KIF14: variants seen among roughly 807,000 people sequenced by gnomAD.
The protein encoded by KIF14 is kinesin-like protein KIF14.
In KIF14, 98 loss-of-function variants were observed where a neutral mutation model predicts 176.2. The ratio of observed to expected loss-of-function variants is 0.56; its 90% CI spans 0.47 to 0.66. The LOEUF is 0.66. Among genes scored for constraint, KIF14 ranks in the 30% least tolerant of loss-of-function variants. The pLI is 0.00. For synonymous variants in KIF14, 566 were observed against 632.2 expected (o/e 0.90, Z 1.57); for missense variants, 1,751 against 1,920.4 (o/e 0.91, Z 1.65).
chr1:200,570,075 A>G, intron 22 of KIF14, 70 bp from the exon 23 acceptor site: 1 of 708,642 alleles, frequency 1.4e-6, no homozygotes. Context: ...GAATATTTAT[A>G]AGTTCTCTAA....
At chr1:200,565,976 T>A (rs375701398) in intron 23 of KIF14, among the ~76,000 whole-genome samples, 44 of 152,240 alleles carry the variant, frequency 2.9e-4, no homozygotes, top group African/African-American at 1.0e-3. Context: ...CGTATACTAT[T>A]GCTCTTCCAA....
chr1:200,581,430 T>C, intron 19 of KIF14, 136 bp from the exon 20 acceptor site: 1 of 433,668 alleles, frequency 2.3e-6, no homozygotes, highest in Non-Finnish European at 4.2e-6. Flanking sequence ...GAAGGATAAG[T>C]GATATTTGAG....
chr1:200,599,518 C>T (rs1484391152), intron 13 of KIF14, among the ~76,000 whole-genome samples: 3 of 152,184 alleles, frequency 2.0e-5, no homozygotes, highest in African/African-American at 7.2e-5. Context: ...CCCTTCTTCT[C>T]CTGAATTCTT....
intron 4 of KIF14, among the ~76,000 whole-genome samples, chr1:200,610,440 G>T (rs1326064010): frequency 6.6e-6 from 1 of 151,004 alleles, no homozygotes; most frequent in Admixed American, 6.6e-5. Context: ...AACCCGGGAG[G>T]CAGAGCTTGC....
chr1:200,560,386 C>T (rs1657070002), intron 26 of KIF14, among the ~76,000 whole-genome samples: 1 of 152,106 alleles, frequency 6.6e-6, no homozygotes. Context: ...ATTCTCCTGC[C>T]TCAGCCTCCT....
rs746339621 is a variant in KIF14, at chr1:200,565,254, C to T, written c.3887-1G>A. 2 of 1,580,816 alleles carry T rather than the reference C, an allele frequency of 1.3e-6. No homozygotes were observed. Among genetic ancestry groups the T allele is most frequent in the African/African-American group, 1.4e-5 (1 of 72,938 alleles). ...TGGATTGCTCGATCAGAAGAAAACACTTTGAAAGAAGAAGAAAAATTACTG... is the reference window on the plus strand; with the variant it reads ...TGGATTGCTCGATCAGAAGAAAACATTTTGAAAGAAGAAGAAAAATTACTG... On this transcript the variant is annotated splice_acceptor_variant, in intron 24 of 29. Transcript: ENST00000367350. LOFTEE classifies it high-confidence loss of function.
chr1:200,592,021 T>G (rs1659078408), intron 16 of KIF14, 59 bp downstream of exon 16: 2 of 1,399,778 alleles, frequency 1.4e-6, no homozygotes, highest in Non-Finnish European at 2.0e-6. Context: ...CACAATGTGA[T>G]TAACTCTGTT....
In KIF14 at chr1:200,581,441, T is replaced by C. The variant is rs970521903; in HGVS notation, c.3242-147A>G. ...TGCAGAAGGATAAGTGATATTTGAG[T>C]AATTTGGTGAAATAAAACATTTTTC... On this transcript the variant is annotated intron_variant, in intron 19 of 29. Transcript: ENST00000367350. 92 of 418,218 alleles carry C rather than the reference T, an allele frequency of 2.2e-4. 1 individual carries two copies. In the East Asian group the frequency reaches 3.2e-3, roughly 15 times the overall value. 25.9% of individuals were successfully genotyped at this position (418,218 alleles called of 1,614,324 possible).
chr1:200,570,078 T>C (rs1488882553), intron 22 of KIF14, 73 bp from the exon 23 acceptor site: 5 of 713,290 alleles, frequency 7.0e-6, no homozygotes, highest in Non-Finnish European at 9.0e-6. Flanking sequence ...TATTTATAAG[T>C]TCTCTAAAGA....
intron 22 of KIF14, among the ~76,000 whole-genome samples, chr1:200,572,212 T>C (rs1307045199): frequency 6.6e-6 from 1 of 152,238 alleles, no homozygotes; most frequent in Non-Finnish European, 1.5e-5. Context: ...AATGAAAATA[T>C]CCAATTTCGA....
At position 200,608,892 on chromosome 1, in the gene KIF14, A is replaced by G; in HGVS notation, c.1492T>C (p.Tyr498His). ...AGAAGGTCGTGAATTTTTTCATTAT[A>G]TACTTCAAAGAAGCTCATTTCAATG... Reference protein sequence around the residue: ...YHIEMSFFEVYNEKIHDLLVC... With the variant: ...YHIEMSFFEVHNEKIHDLLVC... The change falls in exon 5 of 30, where the codon TAT (tyrosine) becomes CAT (histidine). Residue 498 changes from tyrosine (Y) to histidine (H), a missense_variant. Transcript: ENST00000367350. 1 of 1,609,514 alleles carries G rather than the reference A, an allele frequency of 6.2e-7. No individual in the cohort carries two copies.
rs539290426 is a variant in KIF14, at chr1:200,611,432, A to T, written c.1456-2504T>A. ...TGGTGTCATGAGAGAGAAACAAAAC[A>T]CTTCCAAAGAGACCAGGTATAAGGG... On this transcript the variant is annotated intron_variant, in intron 4 of 29. Transcript: ENST00000367350. Among the ~76,000 whole-genome samples the T allele has an allele frequency of 3.5e-4, 53 of 152,332 alleles. 1 individual carries two copies. Among genetic ancestry groups the T allele is most frequent in the African/African-American group, 1.3e-3 (52 of 41,570 alleles).
chr1:200,556,421 T>C (rs571895143), intron 27 of KIF14, among the ~76,000 whole-genome samples: 24 of 152,376 alleles, frequency 1.6e-4, no homozygotes, highest in Non-Finnish European at 3.4e-4. Context: ...TTTCTTTGGA[T>C]ATTTTATTCT....
Position 200,618,751 on chromosome 1 carries a change from A to G in KIF14, c.-28T>C. ...TGGCAGACAGTTATTTTAAAAAAGA[A>G]TGTTACTAAGACCCTAAGCTCTTCT... On this transcript the variant is annotated 5_prime_UTR_variant, in exon 2 of 30. Transcript: ENST00000367350. 2 of 1,544,436 alleles carry G rather than the reference A, an allele frequency of 1.3e-6. No homozygotes were observed. Among genetic ancestry groups the G allele is most frequent in the Admixed American group, 1.8e-5 (1 of 56,624 alleles).
Position 200,602,074 on chromosome 1 carries a change from A to G in KIF14, c.1980-6T>C, listed in dbSNP as rs745394181. On this transcript the variant is annotated splice_region_variant and splice_polypyrimidine_tract_variant and intron_variant, in intron 10 of 29. Coordinates refer to ENST00000367350, the MANE Select transcript of KIF14 (RefSeq NM_014875.3). Reference sequence around the variant, plus strand: ...CCAGACTTTCTTTTAACAGCCTACAAGAAAAAAAGTCATAAGACTTTGCTT... The same window carrying G: ...CCAGACTTTCTTTTAACAGCCTACAGGAAAAAAAGTCATAAGACTTTGCTT... 4 of 1,608,144 alleles carry G rather than the reference A, an allele frequency of 2.5e-6. No individual in the cohort carries two copies. Among genetic ancestry groups the G allele is most frequent in the Non-Finnish European group, 3.4e-6 (4 of 1,178,496 alleles).
At chr1:200,568,534 T>G (rs1463966052) in intron 23 of KIF14, among the ~76,000 whole-genome samples, 1 of 152,232 alleles carries the variant, frequency 6.6e-6, no homozygotes, top group African/African-American at 2.4e-5. Context: ...TTTAAAATTT[T>G]TGTTTACTAA....
intron 14 of KIF14, among the ~76,000 whole-genome samples, chr1:200,594,059 T>G (rs1480566633): frequency 6.6e-6 from 1 of 150,436 alleles, no homozygotes; most frequent in Non-Finnish European, 1.5e-5. Flanking sequence ...GCTGCCTGAG[T>G]AGCTAGGATT....
At chr1:200,573,939 C>T (rs768208274) in intron 22 of KIF14, among the ~76,000 whole-genome samples, 1 of 152,172 alleles carries the variant, frequency 6.6e-6, no homozygotes, top group Non-Finnish European at 1.5e-5. Context: ...AGAGGCGATA[C>T]GGCATAGCAG....
Position 200,565,072 on chromosome 1 carries a change from C to T in KIF14, c.4068G>A (p.Leu1356=), listed in dbSNP as rs1257205164. The change falls in exon 25 of 30, where the codon TTG becomes TTA. Residue 1356 remains leucine, a synonymous_variant. Coordinates refer to ENST00000367350, the MANE Select transcript of KIF14 (RefSeq NM_014875.3). ...GATAATAAGCAAATCAATTTACCTG[C>T]AAAAATAACTGTAAGTAGCCTCCCA... ...KKLGGYLQLF[L]QGCCLDISSM... 3 of 1,603,282 alleles carry T rather than the reference C, an allele frequency of 1.9e-6. No homozygotes were observed. The highest frequency in any genetic ancestry group is 1.3e-5 in the African/African-American group (1 of 74,398).
Sources: allele counts gnomAD v4.1 joint callset (sites outside exome capture counted in the v4.1 genomes callset), GRCh38; gene constraint gnomAD v4.1.1; transcripts MANE v1.5; gene names NCBI Gene and HGNC (gene_info 2026-07-23, HGNC 2026-07-21).